The following EOGT variants were observed in gnomAD, a reference collection of about 807,000 sequenced individuals.
The protein encoded by EOGT is EGF domain-specific O-linked N-acetylglucosamine transferase.
In EOGT, 55 loss-of-function variants were observed where a neutral mutation model predicts 70.5. The ratio of observed to expected loss-of-function variants is 0.78; its 90% CI spans 0.63 to 0.98. The LOEUF (loss-of-function observed/expected upper bound fraction) is 0.98. Ranked by LOEUF, EOGT falls within the 50% of genes least tolerant of loss-of-function variation. The probability of loss-of-function intolerance (pLI) is 0.00; values close to 1 mark genes in which losing one functional copy is unlikely to be tolerated. For synonymous variants in EOGT, 246 were observed against 217.1 expected, an observed-to-expected ratio of 1.13 and a Z score of -1.17; for missense variants, 703 against 641.9, an observed-to-expected ratio of 1.10 and a Z score of -1.03.
chr3:69,008,361 T>C lies in EOGT; in HGVS notation c.311+67A>G, dbSNP rs1427715099. On this transcript the variant is annotated intron_variant, in intron 5 of 17. Transcript: ENST00000383701. ...AAACCAAAAGAATCTAGCTGGAAAT[T>C]AGGGCATCAACATACACTGTATAGA... 14 of 1,076,104 alleles carry C rather than the reference T, an allele frequency of 1.3e-5. No individual in the cohort carries two copies. In the East Asian group the frequency reaches 2.2e-4, roughly 17 times the overall value. The allele number at this position is 1,076,104 out of a possible 1,614,324, so 66.7% of individuals were successfully genotyped here.
chr3:69,005,212 G>A lies in EOGT; in HGVS notation c.443C>T (p.Ser148Phe). 6.2e-7 allele frequency: 1 copy of A among 1,600,796 alleles called. No individual in the cohort carries two copies. The highest frequency in any genetic ancestry group is 1.1e-5 in the South Asian group (1 of 90,294). Reference protein sequence around the residue: ...KETSDSSLVCSRYLQYCRATN... With the variant: ...KETSDSSLVCFRYLQYCRATN... Reference sequence around the variant, plus strand: ...TGCTCTGCAGTACTGAAGATAACGGGAACACACCAGACTTGAGTCACTCTG... The same window carrying A: ...TGCTCTGCAGTACTGAAGATAACGGAAACACACCAGACTTGAGTCACTCTG... The change falls in exon 7 of 18, where the codon TCC becomes TTC. Residue 148 changes from serine to phenylalanine, a missense_variant. Transcript: ENST00000383701.
intron 3 of EOGT, among the ~76,000 whole-genome samples, chr3:69,011,460 T>C (rs904227330): frequency 9.2e-5 from 14 of 151,714 alleles, no homozygotes; most frequent in African/African-American, 3.1e-4. Flanking sequence ...ACCCGGTCTC[T>C]GCTAAGAATA....
intron 15 of EOGT, 27 bp from the exon 16 acceptor site, chr3:68,979,814 G>C (rs1336488686): frequency 2.5e-6 from 4 of 1,609,114 alleles, no homozygotes; most frequent in Non-Finnish European, 3.4e-6. Flanking sequence ...TAACATGAGA[G>C]AGATGGGGAG....
intron 6 of EOGT, among the ~76,000 whole-genome samples, chr3:69,007,014 G>A (rs144922315): frequency 1.1e-4 from 16 of 152,302 alleles, no homozygotes; most frequent in African/African-American, 3.4e-4. Context: ...AAAGCTCTGG[G>A]CAAATATAGA....
intron 15 of EOGT, among the ~76,000 whole-genome samples, chr3:68,981,430 G>GT (rs2090637008): frequency 6.6e-6 from 1 of 152,138 alleles, no homozygotes; most frequent in African/African-American, 2.4e-5. Flanking sequence ...CCACATGCTG[G>GT]GATATGTATA....
chr3:68,984,886 T>C (rs968749288), intron 14 of EOGT, among the ~76,000 whole-genome samples: 1 of 152,162 alleles, frequency 6.6e-6, no homozygotes, highest in Non-Finnish European at 1.5e-5. Flanking sequence ...CTCTGAAATC[T>C]ATTTGCTGTT....
At chr3:69,009,509 A>G (rs2091516527) in intron 4 of EOGT, 128 bp downstream of exon 4, 1 of 656,210 alleles carries the variant, frequency 1.5e-6, no homozygotes, top group Non-Finnish European at 2.6e-6. Flanking sequence ...ATATGAAACA[A>G]TGATTAACTT....
rs141917654 is a variant in EOGT at position 69,009,521 on chromosome 3, T to C, written c.210+116A>G. 1.4e-3 allele frequency: 980 copies of C among 719,076 alleles called. 6 individuals are homozygous for C. The African/African-American group carries it at 0.014, about 10-fold the overall frequency. The allele number at this position is 719,076 out of a possible 1,614,324, so 44.5% of individuals were successfully genotyped here. A position where few individuals can be genotyped will look rare whatever the true frequency, so the allele number is the denominator to read the frequency against. On this transcript the variant is annotated intron_variant, in intron 4 of 17. Coordinates refer to ENST00000383701, the MANE Select transcript of EOGT (RefSeq NM_001278689.2). ...ATTATATGAAACAATGATTAACTTA[T>C]ACAGTGACAACCGAAAATTAGAATT...
At chr3:69,001,783 T>C in intron 8 of EOGT, 69 bp from the exon 9 acceptor site, 1 of 1,073,034 alleles carries the variant, frequency 9.3e-7, no homozygotes, top group Non-Finnish European at 1.4e-6. Context: ...CACTGTAACT[T>C]AGGATCTGTT....
rs1023304658 is a variant in EOGT at position 68,988,741 on chromosome 3, T to C, written c.925-164A>G. On this transcript the variant is annotated intron_variant, in intron 11 of 17. Coordinates refer to ENST00000383701, the MANE Select transcript of EOGT (RefSeq NM_001278689.2). ...ACAGAATTCATATTTTTGGAAAGAT[T>C]ATAGAAAAAACTTTTCAAAGGCTGC... 1.1e-5 allele frequency: 7 copies of C among 652,120 alleles called. No homozygotes were observed. The Admixed American group carries it at 1.3e-4, about 12-fold the overall frequency. 40.4% of individuals were successfully genotyped at this position (652,120 alleles called of 1,614,324 possible). A position where few individuals can be genotyped will look rare whatever the true frequency, so the allele number is the denominator to read the frequency against.
intron 10 of EOGT, among the ~76,000 whole-genome samples, chr3:68,994,880 C>T (rs966427253): frequency 6.6e-6 from 1 of 152,198 alleles, no homozygotes; most frequent in Non-Finnish European, 1.5e-5. Flanking sequence ...TCCTTTTATT[C>T]ATTCTGTTTG....
At position 68,988,399 on chromosome 3, in the gene EOGT, G is replaced by T; in HGVS notation, c.997-18C>A. 1 of 1,522,038 alleles carries T rather than the reference G, an allele frequency of 6.6e-7. No homozygotes were observed. Among genetic ancestry groups the T allele is most frequent in the Non-Finnish European group, 8.8e-7 (1 of 1,134,426 alleles). The allele number at this position is 1,522,038 out of a possible 1,614,324, so 94.3% of individuals were successfully genotyped here. A position where few individuals can be genotyped will look rare whatever the true frequency, so the allele number is the denominator to read the frequency against. On this transcript the variant is annotated intron_variant, in intron 12 of 17. Transcript: ENST00000383701. ...CCAGATATCTAAAATAAAAACACTGGTTCATATTACAATGAATACTTCTGT... is the reference window on the plus strand; with the variant it reads ...CCAGATATCTAAAATAAAAACACTGTTTCATATTACAATGAATACTTCTGT...
At chr3:68,981,921 T>C (rs1007448447) in intron 15 of EOGT, among the ~76,000 whole-genome samples, 1 of 152,016 alleles carries the variant, frequency 6.6e-6, no homozygotes, top group Non-Finnish European at 1.5e-5. Flanking sequence ...ATTTTTTTTT[T>C]TTTGAGACAG....
At chr3:68,982,893 T>C in intron 14 of EOGT, 21 bp from the exon 15 acceptor site, 1 of 1,585,504 alleles carries the variant, frequency 6.3e-7, no homozygotes, top group Non-Finnish European at 8.6e-7. Context: ...AAGAGAAACA[T>C]TTAGCATTTC....
chr3:69,011,593 C>A (rs1430301497), intron 3 of EOGT, among the ~76,000 whole-genome samples: 1 of 42,384 alleles, frequency 2.4e-5, no homozygotes, highest in Non-Finnish European at 4.6e-5. Flanking sequence ...GAGACTCTGT[C>A]TCAAAAAAAA....
At chr3:68,999,583 G>A (rs1278390182) in intron 9 of EOGT, among the ~76,000 whole-genome samples, 1 of 152,000 alleles carries the variant, frequency 6.6e-6, no homozygotes, top group Non-Finnish European at 1.5e-5. Context: ...AAAATACTCT[G>A]TTTTTTTCAG....
chr3:69,003,479 CTT>C (rs1250927836), intron 8 of EOGT, among the ~76,000 whole-genome samples: 3 of 152,184 alleles, frequency 2.0e-5, no homozygotes, highest in Non-Finnish European at 2.9e-5. Flanking sequence ...CACACGCTCT[CTT>C]GTCTGCTGTC....
chr3:69,007,997 TCA>T (rs1034889434), intron 5 of EOGT, among the ~76,000 whole-genome samples, 176 bp from the exon 6 acceptor site: 1 of 152,198 alleles, frequency 6.6e-6, no homozygotes, highest in African/African-American at 2.4e-5. Flanking sequence ...ACTAAGTTAT[TCA>T]CAGAATTATT....
chr3:68,981,190 G>T (rs542639476), intron 15 of EOGT, among the ~76,000 whole-genome samples: 2 of 152,184 alleles, frequency 1.3e-5, no homozygotes, highest in African/African-American at 4.8e-5. Flanking sequence ...AGTACATTTC[G>T]ATAAATAGTA....
Sources: allele counts gnomAD v4.1 joint callset (sites outside exome capture counted in the v4.1 genomes callset), GRCh38; gene constraint gnomAD v4.1.1; transcripts MANE v1.5; gene names NCBI Gene and HGNC (gene_info 2026-07-23, HGNC 2026-07-21).